CPXM2: variants seen among roughly 807,000 people sequenced by gnomAD.
CPXM2 encodes carboxypeptidase X, M14 family member 2.
Under a neutral mutation model 86.1 loss-of-function variants are expected in CPXM2, and 66 were observed. The observed-to-expected ratio is 0.77, with a 90% confidence interval of 0.63 to 0.94. The LOEUF (loss-of-function observed/expected upper bound fraction) is 0.94. Ranked by LOEUF, CPXM2 falls within the 40% of genes least tolerant of loss-of-function variation. The pLI, the probability that CPXM2 is intolerant of heterozygous loss-of-function variation, is 0.00. For synonymous variants in CPXM2, 388 were observed against 400.2 expected (o/e 0.97, Z 0.36); for missense variants, 948 against 1,026.3 (o/e 0.92, Z 1.04).
At chr10:123,900,676 G>A (rs1945374656) in intron 2 of CPXM2, among the ~76,000 whole-genome samples, 1 of 152,172 alleles carries the variant, frequency 6.6e-6, no homozygotes, top group African/African-American at 2.4e-5. Flanking sequence ...TCCCAAACAT[G>A]TGTCTGTCAT....
At chr10:123,912,248 C>T (rs1223999341) in intron 2 of CPXM2, among the ~76,000 whole-genome samples, 1 of 140,738 alleles carries the variant, frequency 7.1e-6, no homozygotes, top group Non-Finnish European at 1.5e-5. Context: ...GCCTGACCAT[C>T]ACATGATGGT....
rs947438125 is a variant in CPXM2, at chr10:123,865,330, G to A, written c.404-2607C>T. ...AGATTCCACACAGAGAAAACACAATGTCCTTGAAAGGCAAAGACAGAGTTA... is the reference window on the plus strand; with the variant it reads ...AGATTCCACACAGAGAAAACACAATATCCTTGAAAGGCAAAGACAGAGTTA... On this transcript the variant is annotated intron_variant, in intron 2 of 13. Transcript: ENST00000241305. This position sits in a 1 kb window ranked among gnomAD's most constrained non-coding sequence, Gnocchi z 4.7. Among the ~76,000 whole-genome samples, 2 of 152,214 alleles carry A rather than the reference G, an allele frequency of 1.3e-5. No homozygotes were observed. Among genetic ancestry groups the A allele is most frequent in the African/African-American group, 4.8e-5 (2 of 41,440 alleles).
chr10:123,858,121 T>C (rs1215693991), intron 3 of CPXM2, among the ~76,000 whole-genome samples: 2 of 152,240 alleles, frequency 1.3e-5, no homozygotes, highest in Admixed American at 1.3e-4. Context: ...ATGCTGCTTC[T>C]GTGTCATAAT....
intron 7 of CPXM2, chr10:123,777,487 C>T (rs1846821024): frequency 6.5e-6 from 1 of 152,934 alleles, no homozygotes; most frequent in Non-Finnish European, 1.5e-5. Context: ...CTTCTTCAGG[C>T]ACAGAGGCCC....
intron 3 of CPXM2, among the ~76,000 whole-genome samples, chr10:123,860,160 A>G (rs61861898): frequency 0.04 from 6,084 of 152,232 alleles, 160 homozygotes; most frequent in South Asian, 0.087. Flanking sequence ...GTCACCCAAG[A>G]CCAACCTGGG....
chr10:123,808,495 G>T (rs1847627802), intron 4 of CPXM2, among the ~76,000 whole-genome samples: 2 of 152,142 alleles, frequency 1.3e-5, no homozygotes, highest in Non-Finnish European at 2.9e-5. Context: ...AGAGTACTAA[G>T]CCTGAGGACC....
chr10:123,899,984 C>T (rs1564817783), intron 2 of CPXM2, among the ~76,000 whole-genome samples: 1 of 152,164 alleles, frequency 6.6e-6, no homozygotes, highest in Non-Finnish European at 1.5e-5. Context: ...ACAAAGGACA[C>T]ACTGAACAAA....
At chr10:123,932,738 C>T (rs1322033833) in intron 2 of CPXM2, among the ~76,000 whole-genome samples, 1 of 152,196 alleles carries the variant, frequency 6.6e-6, no homozygotes, top group Non-Finnish European at 1.5e-5. Context: ...GGTTCAGACT[C>T]CAATGCCTGC....
chr10:123,909,344 G>A (rs920751524), intron 2 of CPXM2, among the ~76,000 whole-genome samples: 1 of 152,154 alleles, frequency 6.6e-6, no homozygotes, highest in Non-Finnish European at 1.5e-5. Flanking sequence ...TATAAATCCC[G>A]ATTGCAGTCC....
chr10:123,867,527 C>CTT (rs34482126), intron 2 of CPXM2, among the ~76,000 whole-genome samples: 2,232 of 92,780 alleles, frequency 0.024, 29 homozygotes, highest in East Asian at 0.059. Flanking sequence ...AGATTTCTTT[C>CTT]TTTTTTTTTT....
intron 4 of CPXM2, among the ~76,000 whole-genome samples, chr10:123,821,573 T>A (rs58816840): frequency 2.0e-5 from 3 of 152,208 alleles, no homozygotes; most frequent in African/African-American, 7.2e-5. Context: ...TTTCCTCACA[T>A]GTCAGGAAGG....
At chr10:123,756,551 T>C (rs1357595580) in intron 12 of CPXM2, among the ~76,000 whole-genome samples, 1 of 152,062 alleles carries the variant, frequency 6.6e-6, no homozygotes, top group East Asian at 1.9e-4. Flanking sequence ...CCTGGGAGGG[T>C]GTTAGGGACT....
intron 2 of CPXM2, among the ~76,000 whole-genome samples, chr10:123,877,038 G>A (rs1208109949): frequency 6.6e-6 from 1 of 152,174 alleles, no homozygotes; most frequent in Non-Finnish European, 1.5e-5. Flanking sequence ...TCCCTATAGA[G>A]AGAACATGTG....
At chr10:123,837,932 CA>C (rs1207814809) in intron 4 of CPXM2, among the ~76,000 whole-genome samples, 2 of 152,300 alleles carry the variant, frequency 1.3e-5, no homozygotes, top group East Asian at 3.9e-4. Context: ...TCCCAGGTCT[CA>C]CAGCAGCTCC....
At chr10:123,832,476 T>C (rs1473385929) in intron 4 of CPXM2, among the ~76,000 whole-genome samples, 2 of 152,002 alleles carry the variant, frequency 1.3e-5, no homozygotes, top group African/African-American at 2.4e-5. Context: ...TGTGGTTGAG[T>C]GTGTGTCCCT....
intron 2 of CPXM2, among the ~76,000 whole-genome samples, chr10:123,919,466 A>C (rs72829749): frequency 0.11 from 16,092 of 152,196 alleles, 916 homozygotes; most frequent in African/African-American, 0.13. Context: ...CAGACAAAGA[A>C]TTTAAAGCAG....
chr10:123,778,985 A>C (rs1000507411), intron 7 of CPXM2, among the ~76,000 whole-genome samples: 14 of 152,240 alleles, frequency 9.2e-5, no homozygotes, highest in African/African-American at 3.4e-4. Flanking sequence ...GATCACATCA[A>C]GACAAACCCG....
intron 4 of CPXM2, among the ~76,000 whole-genome samples, chr10:123,807,431 A>C (rs1291477945): frequency 6.6e-6 from 1 of 152,226 alleles, no homozygotes; most frequent in African/African-American, 2.4e-5. Flanking sequence ...CTCTACCTAC[A>C]TGAAAAGGTT....
In CPXM2 at chr10:123,791,341, C is replaced by T. The variant is rs192339443; in HGVS notation, c.889+6635G>A. On this transcript the variant is annotated intron_variant, in intron 6 of 13. Coordinates refer to ENST00000241305, the MANE Select transcript of CPXM2 (RefSeq NM_198148.3). ...CTGAGGCAGGAGAATCGCTTGAATC[C>T]GGGAGGCGGGGGCTGCAGTGAGCCA... is the stretch of plus-strand genomic sequence containing the variant. 9.1e-4 allele frequency among the ~76,000 whole-genome samples: 138 copies of T among 152,216 alleles called. 1 individual carries two copies. In the South Asian group the frequency reaches 0.026, roughly 28 times the overall value.
Sources: gnomAD v4.1 joint callset for allele counts (sites outside exome capture counted in the v4.1 genomes callset) on GRCh38, gnomAD v4.1.1 for gene constraint, Gnocchi (gnomAD v3.1) non-coding constraint, MANE v1.5 for transcripts, NCBI Gene and HGNC (gene_info 2026-07-23, HGNC 2026-07-21) for gene names.